INTS10: variants seen among roughly 807,000 people sequenced by gnomAD.
INTS10 encodes the protein chromosome 8 open reading frame 35.
INTS10 carries 44 observed loss-of-function variants against 94.4 expected under a neutral mutation model. That is an observed-to-expected ratio of 0.47 (90% CI 0.37 to 0.60). INTS10 has a LOEUF of 0.60. INTS10 is among the 20% of genes least tolerant of loss of function. The pLI is 0.00. For missense variants in INTS10, 797 were observed against 868.7 expected (o/e 0.92, Z 1.04); for synonymous variants, 341 against 320.7 (o/e 1.06, Z -0.68).
chr8:19,824,086 T>C (rs2066604974), intron 7 of INTS10, 42 bp downstream of exon 7: 11 of 1,489,272 alleles, frequency 7.4e-6, no homozygotes, highest in Non-Finnish European at 8.2e-6. Context: ...TTGATTCTTT[T>C]GGATCCTTAT....
intron 13 of INTS10, among the ~76,000 whole-genome samples, chr8:19,840,171 T>C (rs560807283): frequency 1.2e-4 from 18 of 151,544 alleles, no homozygotes; most frequent in African/African-American, 4.4e-4. Context: ...TTTTTTAAGA[T>C]ACTATTTCTA....
chr8:19,839,871 T>C (rs2067985092), intron 13 of INTS10, among the ~76,000 whole-genome samples: 1 of 152,008 alleles, frequency 6.6e-6, no homozygotes, highest in African/African-American at 2.4e-5. Context: ...GAGACAAGCC[T>C]GGCCAACATG....
rs771333349 is a variant in INTS10 at position 19,817,534 on chromosome 8, GGT to G, written c.-3_-2del. The stretch of plus-strand genomic sequence containing the variant: ...CGGGCTGGCGGCTGGAGAGCGCTCG[GGT>G]CATGTCTGCCCAGGGGGACTGCGAG... On this transcript the variant is annotated 5_prime_UTR_variant, in exon 1 of 17. Coordinates refer to ENST00000397977, the MANE Select transcript of INTS10 (RefSeq NM_018142.4). 116 of 1,606,060 alleles carry G rather than the reference GGT, an allele frequency of 7.2e-5. No homozygotes were observed. In the African/African-American group the frequency reaches 1.3e-3, roughly 19 times the overall value.
At chr8:19,835,840 C>A (rs1222806397) in intron 12 of INTS10, among the ~76,000 whole-genome samples, 2 of 152,188 alleles carry the variant, frequency 1.3e-5, no homozygotes, top group Non-Finnish European at 2.9e-5. Flanking sequence ...AGGTCAATTG[C>A]TGCCAACCCT....
rs1024555702 is a variant in INTS10, at chr8:19,846,370, T to G, written c.1976+573T>G. Reference sequence around the variant, plus strand: ...ACCGCTTGAACCCAGGAGGTGGAGGTTGCAGTGAGCCGAGGTCGCGCCATT... The same window carrying G: ...ACCGCTTGAACCCAGGAGGTGGAGGGTGCAGTGAGCCGAGGTCGCGCCATT... On this transcript the variant is annotated intron_variant, in intron 16 of 16. Coordinates refer to ENST00000397977, the MANE Select transcript of INTS10 (RefSeq NM_018142.4). This position sits in a 1 kb window ranked among gnomAD's most constrained non-coding sequence, Gnocchi z 4.2. 6.6e-6 allele frequency among the ~76,000 whole-genome samples: 1 copy of G among 151,402 alleles called. No individual in the cohort carries two copies. Among genetic ancestry groups the G allele is most frequent in the Non-Finnish European group, 1.5e-5 (1 of 67,892 alleles).
At position 19,843,377 on chromosome 8, in the gene INTS10, G is replaced by A. The variant is rs561879123; in HGVS notation, c.1719+450G>A. Among the ~76,000 whole-genome samples, 4 of 152,250 alleles carry A rather than the reference G, an allele frequency of 2.6e-5. No homozygotes were observed. Among genetic ancestry groups the A allele is most frequent in the Non-Finnish European group, 4.4e-5 (3 of 68,016 alleles). On this transcript the variant is annotated intron_variant, in intron 14 of 16. Transcript: ENST00000397977. This position sits in a 1 kb window ranked among gnomAD's most constrained non-coding sequence, Gnocchi z 4.7. ...GGAAAGTTCCGGGACTTGAAAGAAC[G>A]CCAAGGCCCTTGGCTACAGGTAGAG...
At chr8:19,829,762 G>A (rs574848616) in intron 9 of INTS10, among the ~76,000 whole-genome samples, 208 of 152,200 alleles carry the variant, frequency 1.4e-3, no homozygotes, top group African/African-American at 4.9e-3. Flanking sequence ...TCTGCCTCCC[G>A]GGCTTAAGAA....
At chr8:19,818,968 T>C (rs1441466695) in intron 2 of INTS10, 2 of 152,444 alleles carry the variant, frequency 1.3e-5, no homozygotes, top group African/African-American at 4.8e-5. Context: ...TTGGTGTTTT[T>C]CTGTGGAATA....
Position 19,851,765 on chromosome 8 carries a change from G to A in INTS10, c.2093G>A (p.Cys698Tyr). The change falls in exon 17 of 17, where the codon TGC (cysteine) becomes TAC (tyrosine). Residue 698 changes from cysteine (C) to tyrosine (Y), a missense_variant. This residue lies in a region of INTS10 where 47 missense variants were observed against 41.8 expected (regional missense o/e 1.12). Transcript: ENST00000397977. The surrounding 1 kb of genome is among the most constrained non-coding windows in gnomAD (Gnocchi z 5.0). ...ENLMVVLHRF[C>Y]INEKILLLQT... Reference sequence around the variant, plus strand: ...CTGATGGTGGTTCTGCACAGGTTCTGCATTAATGAGAAGATCTTGCTCCTT... The same window carrying A: ...CTGATGGTGGTTCTGCACAGGTTCTACATTAATGAGAAGATCTTGCTCCTT... 6.2e-7 allele frequency: 1 copy of A among 1,614,130 alleles called. No homozygotes were observed.
chr8:19,837,862 T>C (rs988923992), intron 13 of INTS10, among the ~76,000 whole-genome samples: 3 of 150,620 alleles, frequency 2.0e-5, no homozygotes, highest in Admixed American at 1.3e-4. Flanking sequence ...CCTAACAAGA[T>C]CGATAAGGAG....
chr8:19,847,341 G>A (rs1205492397), intron 16 of INTS10, among the ~76,000 whole-genome samples: 3 of 152,188 alleles, frequency 2.0e-5, no homozygotes, highest in Admixed American at 6.5e-5. Context: ...TTCTAAGATC[G>A]TGAATCGAAA....
Position 19,823,918 on chromosome 8 carries a change from C to T in INTS10, c.710C>T (p.Ser237Phe). The change falls in exon 7 of 17, where the codon TCT (serine) becomes TTT (phenylalanine). Residue 237 changes from serine to phenylalanine, a missense_variant. Physicochemically the swap from Ser to Phe is radical, Grantham distance 155. This residue lies in a region of INTS10 where 734 missense variants were observed against 787.8 expected (regional missense o/e 0.93). Transcript: ENST00000397977. ...SDLMSPSKRS[S>F]QKYIIEGLTE... ...TTAATGTCACCTAGCAAACGTAGCT[C>T]TCAGAAGTACATAATAGAAGGGCTG... The T allele has an allele frequency of 6.2e-7, 1 of 1,612,984 alleles. No individual in the cohort carries two copies. Among genetic ancestry groups the T allele is most frequent in the Non-Finnish European group, 8.5e-7 (1 of 1,179,616 alleles).
At chr8:19,830,634 C>A in intron 10 of INTS10, 75 bp downstream of exon 10, 1 of 1,379,922 alleles carries the variant, frequency 7.2e-7, no homozygotes, top group South Asian at 1.3e-5. Flanking sequence ...TGTCAGGTCA[C>A]TTACGGCAAA....
chr8:19,824,011 T>A lies in INTS10; in HGVS notation c.803T>A (p.Met268Lys), dbSNP rs780400354. 3.8e-5 allele frequency: 61 copies of A among 1,612,028 alleles called. No homozygotes were observed. The highest frequency in any genetic ancestry group is 5.0e-5 in the Non-Finnish European group (59 of 1,179,018). Residue 268 changes from methionine to lysine, a missense_variant, in exon 7 of 17, where the codon ATG becomes AAG. Met to Lys is a moderately conservative substitution (Grantham distance 95). Coordinates refer to ENST00000397977, the MANE Select transcript of INTS10 (RefSeq NM_018142.4). The part of the protein sequence containing the change: ...RLFKILNVVG[M>K]RCEWQMDKGR... ...TTTAAGATTTTGAATGTTGTTGGAA[T>A]GAGATGTGAATGGCAGATGGATAAA...
intron 9 of INTS10, among the ~76,000 whole-genome samples, chr8:19,828,329 G>A (rs1276475033): frequency 3.6e-5 from 3 of 82,720 alleles, no homozygotes; most frequent in Non-Finnish European, 8.9e-5. Context: ...CCCACAACTG[G>A]AGTTGGGGGG....
chr8:19,818,522 G>T (rs2066120036), intron 2 of INTS10, 180 bp downstream of exon 2: 3 of 590,022 alleles, frequency 5.1e-6, no homozygotes, highest in Non-Finnish European at 9.1e-6. Flanking sequence ...TTTTGCAGAA[G>T]AGTTTAATTA....
At chr8:19,831,580 T>C (rs573590797) in intron 10 of INTS10, among the ~76,000 whole-genome samples, 9 of 152,214 alleles carry the variant, frequency 5.9e-5, no homozygotes, top group Admixed American at 5.9e-4. Context: ...GTGCCAGCTA[T>C]TCAGGAAGCT....
chr8:19,825,159 C>T (rs535366170), intron 8 of INTS10, among the ~76,000 whole-genome samples, 187 bp downstream of exon 8: 1 of 152,300 alleles, frequency 6.6e-6, no homozygotes, highest in East Asian at 1.9e-4. Flanking sequence ...AAGTATATTT[C>T]ATTAAAAGTT....
At chr8:19,829,221 T>C (rs2128771230) in intron 9 of INTS10, among the ~76,000 whole-genome samples, 1 of 152,354 alleles carries the variant, frequency 6.6e-6, no homozygotes, top group East Asian at 1.9e-4. Context: ...TAGTTGCACA[T>C]ATTTTTAAAT....
Sources: gnomAD v4.1 joint callset for allele counts (sites outside exome capture counted in the v4.1 genomes callset) on GRCh38, gnomAD v4.1.1 for gene constraint, gnomAD v4.1.1 regional missense constraint, Gnocchi (gnomAD v3.1) non-coding constraint, MANE v1.5 for transcripts, NCBI Gene and HGNC (gene_info 2026-07-23, HGNC 2026-07-21) for gene names.